Variants in DOCK3 observed in about 807,000 individuals in gnomAD.
The protein encoded by DOCK3 is dedicator of cytokinesis 3.
DOCK3 carries 60 observed loss-of-function variants against 265.6 expected under a neutral mutation model. That is an observed-to-expected ratio of 0.23 (90% CI 0.18 to 0.28). The LOEUF (loss-of-function observed/expected upper bound fraction) is 0.28, where lower values mean the gene tolerates loss of function less well. DOCK3 is among the 10% of genes least tolerant of loss of function. DOCK3 has a pLI of 1.00. For synonymous variants in DOCK3, 881 were observed against 938.0 expected (o/e 0.94, Z 1.11); for missense variants, 1,981 against 2,594.3 (o/e 0.76, Z 5.14).
intron 1 of DOCK3, among the ~76,000 whole-genome samples, chr3:50,701,891 T>A (rs2036064748): frequency 6.6e-6 from 1 of 152,212 alleles, no homozygotes; most frequent in Non-Finnish European, 1.5e-5. Flanking sequence ...GTGGATTTAT[T>A]TCTGGTTTTC....
At chr3:50,701,792 G>C (rs1254340691) in intron 1 of DOCK3, among the ~76,000 whole-genome samples, 2 of 152,122 alleles carry the variant, frequency 1.3e-5, no homozygotes, top group African/African-American at 4.8e-5. Context: ...TTGATACCCA[G>C]TTTTCTCAGC....
chr3:51,147,037 C>G (rs1278746229), intron 10 of DOCK3, among the ~76,000 whole-genome samples: 1 of 151,678 alleles, frequency 6.6e-6, no homozygotes, highest in African/African-American at 2.4e-5. Context: ...CGCCTGAGCC[C>G]AGGAGGTTGA....
chr3:51,322,850 A>T (rs1025392732), intron 32 of DOCK3, among the ~76,000 whole-genome samples: 1 of 152,214 alleles, frequency 6.6e-6, no homozygotes, highest in Admixed American at 6.5e-5. Flanking sequence ...TAAAAGACAC[A>T]GACTGGCAAA....
intron 4 of DOCK3, among the ~76,000 whole-genome samples, chr3:50,899,870 G>A (rs1463000772): frequency 6.6e-6 from 1 of 152,062 alleles, no homozygotes; most frequent in Non-Finnish European, 1.5e-5. Flanking sequence ...TTCCCTTTGT[G>A]GGTAACCCGA....
At chr3:50,999,725 C>G (rs1458745487) in intron 5 of DOCK3, among the ~76,000 whole-genome samples, 1 of 152,176 alleles carries the variant, frequency 6.6e-6, no homozygotes, top group Non-Finnish European at 1.5e-5. Context: ...CCACCTCAGA[C>G]TTCTCCTTCT....
chr3:50,946,763 G>A (rs1372832831), intron 5 of DOCK3, among the ~76,000 whole-genome samples: 1 of 152,190 alleles, frequency 6.6e-6, no homozygotes, highest in Non-Finnish European at 1.5e-5. Context: ...AACTGCATTA[G>A]CATGCTCATT....
intron 12 of DOCK3, among the ~76,000 whole-genome samples, chr3:51,187,130 G>A (rs973474507): frequency 2.0e-5 from 3 of 152,240 alleles, no homozygotes; most frequent in Non-Finnish European, 4.4e-5. Flanking sequence ...AAGCAGCCAG[G>A]AGAGGGGCTA....
At chr3:51,088,122 A>G (rs956770101) in intron 7 of DOCK3, among the ~76,000 whole-genome samples, 1 of 152,194 alleles carries the variant, frequency 6.6e-6, no homozygotes, top group African/African-American at 2.4e-5. Flanking sequence ...CTAGAGGTCA[A>G]TATGTTAAAT....
intron 28 of DOCK3, among the ~76,000 whole-genome samples, chr3:51,310,649 G>A (rs56870664): frequency 0.023 from 3,555 of 152,268 alleles, 153 homozygotes; most frequent in African/African-American, 0.081. Context: ...TTTGAATTGT[G>A]TTGTCTACCA....
At chr3:51,237,462 C>G in intron 20 of DOCK3, 28 bp from the exon 21 acceptor site, 2 of 1,565,670 alleles carry the variant, frequency 1.3e-6, no homozygotes, top group Non-Finnish European at 1.7e-6. Context: ...CCAGTGAACC[C>G]TGATGGCTTA....
At chr3:50,888,330 A>G (rs1015571802) in intron 3 of DOCK3, among the ~76,000 whole-genome samples, 7 of 152,194 alleles carry the variant, frequency 4.6e-5, no homozygotes, top group African/African-American at 1.7e-4. Flanking sequence ...TTCAAGGAGA[A>G]CTACAAACCA....
chr3:50,894,022 C>T (rs1420363334), intron 4 of DOCK3, among the ~76,000 whole-genome samples: 1 of 150,934 alleles, frequency 6.6e-6, no homozygotes, highest in Non-Finnish European at 1.5e-5. Flanking sequence ...GGAGATATAC[C>T]TAATGTAAAT....
chr3:50,956,341 A>G (rs554585830), intron 5 of DOCK3, among the ~76,000 whole-genome samples: 1 of 152,346 alleles, frequency 6.6e-6, no homozygotes, highest in East Asian at 1.9e-4. Flanking sequence ...TTGTCAAATC[A>G]AGATTCCTCA....
Position 51,260,240 on chromosome 3 carries a change from A to G in DOCK3, c.2269A>G (p.Arg757Gly). The change falls in exon 23 of 53, where the codon AGA (arginine) becomes GGA (glycine). Residue 757 changes from arginine to glycine, a missense_variant. Transcript: ENST00000266037. ...ATCGMEEEQF[R>G]SSIQELFQSI... is the part of the protein sequence containing the mutation. ...TTGTGGAATGGAAGAGGAACAATTCAGATCCAGTATCCAAGAACTTTTCCA... is the reference window on the plus strand; with the variant it reads ...TTGTGGAATGGAAGAGGAACAATTCGGATCCAGTATCCAAGAACTTTTCCA... 1 of 1,613,964 alleles carries G rather than the reference A, an allele frequency of 6.2e-7. No homozygotes were observed. The highest frequency in any genetic ancestry group is 8.5e-7 in the Non-Finnish European group (1 of 1,179,878).
chr3:51,233,417 G>GT (rs2078223311), intron 19 of DOCK3, among the ~76,000 whole-genome samples: 1 of 151,924 alleles, frequency 6.6e-6, no homozygotes, highest in Non-Finnish European at 1.5e-5. Flanking sequence ...CCAGGCTGGA[G>GT]TACAATGGCG....
At chr3:50,990,426 T>G (rs2078063590) in intron 5 of DOCK3, among the ~76,000 whole-genome samples, 2 of 152,102 alleles carry the variant, frequency 1.3e-5, no homozygotes. Flanking sequence ...CAGGTCCACC[T>G]ACAAAGGGAA....
chr3:51,221,258 A>G (rs909785267), intron 14 of DOCK3, among the ~76,000 whole-genome samples: 5 of 152,214 alleles, frequency 3.3e-5, no homozygotes, highest in East Asian at 1.9e-4. Context: ...GCTTTCTCCC[A>G]GTAGCTGTTT....
intron 5 of DOCK3, among the ~76,000 whole-genome samples, chr3:50,975,002 C>G (rs1489015718): frequency 4.8e-3 from 663 of 137,090 alleles, no homozygotes; most frequent in South Asian, 0.011. Flanking sequence ...TATCCTGAGA[C>G]TTTGCTGAAG....
chr3:51,228,845 GC>G lies in DOCK3; in HGVS notation c.1819+15del. 6.2e-7 allele frequency: 1 copy of G among 1,613,028 alleles called. No homozygotes were observed. The highest frequency in any genetic ancestry group is 8.5e-7 in the Non-Finnish European group (1 of 1,179,374). On this transcript the variant is annotated intron_variant, in intron 18 of 52. Coordinates refer to ENST00000266037, the MANE Select transcript of DOCK3 (RefSeq NM_004947.5). ...CTCACCCAGAATGGTAGGTGATAAT[GC>G]CTGCAGGGTGGTGCCCTCCACCCTC... is the stretch of plus-strand genomic sequence containing the variant.
Sources: gnomAD v4.1 joint callset for allele counts (sites outside exome capture counted in the v4.1 genomes callset) on GRCh38, gnomAD v4.1.1 for gene constraint, MANE v1.5 for transcripts, NCBI Gene and HGNC (gene_info 2026-07-23, HGNC 2026-07-21) for gene names.